Variants in SUCLA2 observed in about 807,000 individuals in gnomAD.
SUCLA2 encodes succinate-CoA ligase ADP-forming subunit beta.
A neutral mutation model predicts 54.8 loss-of-function variants in SUCLA2; 30 were observed. The observed-to-expected ratio is 0.55, with a 90% CI of 0.41 to 0.74. The LOEUF (loss-of-function observed/expected upper bound fraction) is 0.74. Ranked by LOEUF, SUCLA2 falls within the 30% of genes least tolerant of loss-of-function variation. The pLI, the probability that SUCLA2 is intolerant of heterozygous loss-of-function variation, is 0.00. For missense variants in SUCLA2, 476 were observed against 562.9 expected, an observed-to-expected ratio of 0.85 and a Z score of 1.56; for synonymous variants, 172 against 188.9, an observed-to-expected ratio of 0.91 and a Z score of 0.74.
chr13:47,945,017 C>T (rs570955513), intron 10 of SUCLA2, among the ~76,000 whole-genome samples: 11 of 151,900 alleles, frequency 7.2e-5, no homozygotes, highest in Admixed American at 3.3e-4. Context: ...TTTGGGAGGC[C>T]GAGGCAGGTG....
intron 4 of SUCLA2, among the ~76,000 whole-genome samples, chr13:47,979,122 C>T (rs1234319277): frequency 6.6e-6 from 1 of 152,156 alleles, no homozygotes; most frequent in Non-Finnish European, 1.5e-5. Context: ...CCTCAAGGAT[C>T]TAGAACCAGA....
chr13:47,990,122 C>T (rs561522626), intron 2 of SUCLA2, among the ~76,000 whole-genome samples: 130 of 152,200 alleles, frequency 8.5e-4, no homozygotes, highest in Non-Finnish European at 1.5e-3. Context: ...CTGAAGCAGG[C>T]GGGTCACATG....
chr13:47,944,425 G>T (rs1264226324), intron 10 of SUCLA2, among the ~76,000 whole-genome samples: 1 of 152,020 alleles, frequency 6.6e-6, no homozygotes, highest in African/African-American at 2.4e-5. Context: ...TACCTCTCAT[G>T]ATCTATTTGA....
chr13:47,950,143 A>G (rs1363766771), intron 8 of SUCLA2, among the ~76,000 whole-genome samples: 1 of 152,230 alleles, frequency 6.6e-6, no homozygotes, highest in African/African-American at 2.4e-5. Flanking sequence ...ACCCTTATAA[A>G]GAAACAATGC....
intron 2 of SUCLA2, 127 bp downstream of exon 2, chr13:47,996,716 T>C (rs1249536932): frequency 3.9e-6 from 3 of 776,252 alleles, no homozygotes; most frequent in South Asian, 2.0e-5. Flanking sequence ...TTCTACCTTC[T>C]ATTTTAAGCA....
intron 10 of SUCLA2, among the ~76,000 whole-genome samples, chr13:47,944,315 T>C (rs1949711608): frequency 6.6e-6 from 1 of 152,194 alleles, no homozygotes; most frequent in African/African-American, 2.4e-5. Flanking sequence ...TAACTGCTAA[T>C]ATCATCATCA....
In SUCLA2 at chr13:47,957,418, G is replaced by A. The variant is rs564583130; in HGVS notation, c.803-2861C>T. Among the ~76,000 whole-genome samples, 7 of 152,276 alleles carry A rather than the reference G, an allele frequency of 4.6e-5. No homozygotes were observed. In the South Asian group the frequency reaches 1.5e-3, roughly 32 times the overall value. ...ACATGTTGCTTGTGACTCAGCTGAT[G>A]TGGGCAGGGAGTCTCAGAAGCCATC... On this transcript the variant is annotated intron_variant, in intron 6 of 10. Coordinates refer to ENST00000646932, the MANE Select transcript of SUCLA2 (RefSeq NM_003850.3).
intron 5 of SUCLA2, among the ~76,000 whole-genome samples, chr13:47,970,791 C>G (rs1949956476): frequency 6.6e-6 from 1 of 152,042 alleles, no homozygotes; most frequent in African/African-American, 2.4e-5. Flanking sequence ...ACCCGGGAGG[C>G]AGAGGTTTCA....
At chr13:47,947,261 C>T (rs1011930016) in intron 10 of SUCLA2, among the ~76,000 whole-genome samples, 1 of 142,082 alleles carries the variant, frequency 7.0e-6, no homozygotes, top group African/African-American at 2.7e-5. Flanking sequence ...CATGTGTATG[C>T]ACACACGCAC....
chr13:47,980,337 C>A (rs2137731569), intron 4 of SUCLA2, among the ~76,000 whole-genome samples: 1 of 152,146 alleles, frequency 6.6e-6, no homozygotes, highest in South Asian at 2.1e-4. Context: ...ATGGTGTGAA[C>A]CCGGGAAATG....
rs78496822 is a variant in SUCLA2, at chr13:47,983,936, A to C, written c.534+4605T>G. Reference sequence around the variant, plus strand: ...ACAATTGGTTATAAGTTAGAAAAAAAAGGAAACAATAATACATAGAAGAAA... The same window carrying C: ...ACAATTGGTTATAAGTTAGAAAAAACAGGAAACAATAATACATAGAAGAAA... On this transcript the variant is annotated intron_variant, in intron 4 of 10. Transcript: ENST00000646932. Among the ~76,000 whole-genome samples, 887 of 152,308 alleles carry C rather than the reference A, an allele frequency of 5.8e-3. 7 individuals are homozygous for C. Among genetic ancestry groups the C allele is most frequent in the Middle Eastern group, 0.048 (14 of 294 alleles).
intron 6 of SUCLA2, among the ~76,000 whole-genome samples, chr13:47,961,333 T>C (rs1012458012): frequency 2.6e-5 from 4 of 152,166 alleles, no homozygotes. Flanking sequence ...TTACATCTTA[T>C]TGCTTAGGAA....
intron 10 of SUCLA2, among the ~76,000 whole-genome samples, chr13:47,946,578 GTGTTT>G (rs1344216418): frequency 1.1e-4 from 15 of 136,718 alleles, no homozygotes; most frequent in Non-Finnish European, 2.2e-4. Flanking sequence ...ACAAAAGGTT[GTGTTT>G]TTTTTTTTTT....
At chr13:47,958,433 A>G (rs1389601797) in intron 6 of SUCLA2, among the ~76,000 whole-genome samples, 3 of 152,210 alleles carry the variant, frequency 2.0e-5, no homozygotes, top group Admixed American at 6.5e-5. Context: ...AAATTGGCTT[A>G]TAAGTAAAAG....
At position 47,973,296 on chromosome 13, in the gene SUCLA2, C is replaced by T. The variant is rs1270475764; in HGVS notation, c.631G>A (p.Glu211Lys). Residue 211 changes from glutamate to lysine, a missense_variant, in exon 5 of 11, where the codon GAA (glutamate) becomes AAA (lysine). Coordinates refer to ENST00000646932, the MANE Select transcript of SUCLA2 (RefSeq NM_003850.3). ...EAIIKEPIDI[E>K]EGIKKEQALQ... ...GCTTGTTCCTTTTTGATGCCTTCTT[C>T]AATATCAATAGGTTCTTTAATTATT... The T allele has an allele frequency of 1.2e-6, 2 of 1,613,364 alleles. No homozygotes were observed. Among genetic ancestry groups the T allele is most frequent in the Non-Finnish European group, 1.7e-6 (2 of 1,179,770 alleles).
intron 5 of SUCLA2, among the ~76,000 whole-genome samples, chr13:47,972,775 T>C (rs1949978593): frequency 7.6e-6 from 1 of 131,286 alleles, no homozygotes; most frequent in Non-Finnish European, 1.6e-5. Flanking sequence ...TTGAGATGAG[T>C]CTCACTCTGT....
intron 10 of SUCLA2, among the ~76,000 whole-genome samples, chr13:47,943,744 ATGTG>A (rs150379863): frequency 4.8e-4 from 70 of 144,542 alleles, no homozygotes; most frequent in South Asian, 1.6e-3. Flanking sequence ...GTGTGTATGT[ATGTG>A]TGTGTGTGTG....
chr13:47,960,330 T>C (rs1173404033), intron 6 of SUCLA2, among the ~76,000 whole-genome samples: 1 of 152,160 alleles, frequency 6.6e-6, no homozygotes, highest in African/African-American at 2.4e-5. Flanking sequence ...TAAAAATTGA[T>C]AGAGGACACC....
chr13:47,982,534 G>A (rs1950068084), intron 4 of SUCLA2, among the ~76,000 whole-genome samples: 1 of 152,000 alleles, frequency 6.6e-6, no homozygotes, highest in Non-Finnish European at 1.5e-5. Flanking sequence ...TTCTGGAGAT[G>A]TTGCACAAAA....
Sources: allele counts gnomAD v4.1 joint callset (sites outside exome capture counted in the v4.1 genomes callset), GRCh38; gene constraint gnomAD v4.1.1; transcripts MANE v1.5; gene names NCBI Gene and HGNC (gene_info 2026-07-23, HGNC 2026-07-21).